The following MTCH2 variants were observed in gnomAD, a reference collection of about 807,000 sequenced individuals.
The protein encoded by MTCH2 is mitochondrial carrier 2.
In MTCH2, 25 loss-of-function variants were observed where a neutral mutation model predicts 50.6. That is an observed-to-expected ratio of 0.49 (90% CI 0.36 to 0.69). MTCH2 has a LOEUF of 0.69. MTCH2 is among the 30% of genes least tolerant of loss of function. The pLI, the probability that MTCH2 is intolerant of heterozygous loss-of-function variation, is 0.00. For missense variants in MTCH2, 273 were observed against 384.4 expected (o/e 0.71, Z 2.42); for synonymous variants, 106 against 132.0 (o/e 0.80, Z 1.35).
At chr11:47,606,251 T>C in the MTCH2 span, among the ~76,000 whole-genome samples, 1 of 152,198 alleles carries the variant, frequency 6.6e-6, no homozygotes, top group South Asian at 2.1e-4. Context: ...TGGAAGTGCT[T>C]TTCCTCGGGG....
downstream of MTCH2, among the ~76,000 whole-genome samples, chr11:47,614,536 T>G (rs973793271): frequency 8.5e-5 from 13 of 152,060 alleles, no homozygotes; most frequent in Non-Finnish European, 1.0e-4. Flanking sequence ...GCACCATTTT[T>G]GCCCACTGCA....
chr11:47,614,861 A>G (rs1269878190), downstream of MTCH2, among the ~76,000 whole-genome samples: 1 of 152,066 alleles, frequency 6.6e-6, no homozygotes, highest in African/African-American at 2.4e-5. Flanking sequence ...TACAGGCGTG[A>G]GCCACCGCAC....
intron 1 of MTCH2, 89 bp from the exon 2 acceptor site, chr11:47,639,140 G>GTTATTT (rs1259714540): frequency 8.4e-7 from 1 of 1,189,116 alleles, no homozygotes; most frequent in Admixed American, 2.4e-5. Context: ...CACAATTTGG[G>GTTATTT]TTATTTTTAA....
At chr11:47,606,066 G>A in the MTCH2 span, among the ~76,000 whole-genome samples, 5 of 152,034 alleles carry the variant, frequency 3.3e-5, no homozygotes, top group South Asian at 2.1e-4. Flanking sequence ...CCTTTTCGCC[G>A]CAGCTTTCAT....
chr11:47,613,119 G>T (rs562078698), downstream of MTCH2, among the ~76,000 whole-genome samples: 1 of 151,824 alleles, frequency 6.6e-6, no homozygotes, highest in East Asian at 1.9e-4. Flanking sequence ...TGTTGTCTAG[G>T]CTGGTCTCAA....
intron 12 of MTCH2, among the ~76,000 whole-genome samples, chr11:47,620,774 T>C (rs981082102): frequency 5.3e-5 from 8 of 152,224 alleles, no homozygotes; most frequent in African/African-American, 1.9e-4. Context: ...CATTATGTAA[T>C]TGGCACTAAA....
At chr11:47,635,860 G>C (rs2097308084) in intron 3 of MTCH2, among the ~76,000 whole-genome samples, 1 of 152,136 alleles carries the variant, frequency 6.6e-6, no homozygotes, top group African/African-American at 2.4e-5. Context: ...AGGTGTGGTT[G>C]CTCATGCCTG....
At chr11:47,627,980 T>C (rs146269399) in intron 9 of MTCH2, among the ~76,000 whole-genome samples, 1 of 152,240 alleles carries the variant, frequency 6.6e-6, no homozygotes, top group East Asian at 1.9e-4. Context: ...ATCCTAGAAA[T>C]ACAGTCCCTG....
chr11:47,615,301 CCA>C (rs1325141087), downstream of MTCH2, among the ~76,000 whole-genome samples: 3 of 152,082 alleles, frequency 2.0e-5, no homozygotes, highest in Admixed American at 6.6e-5. Flanking sequence ...TATTTTTCCC[CCA>C]CAGATTTTCA....
rs553990170 is a variant in MTCH2 at position 47,618,358 on chromosome 11, A to G, written c.*475T>C. 1.0e-4 allele frequency: 21 copies of G among 210,166 alleles called. 1 individual carries two copies. The highest frequency in any genetic ancestry group is 7.6e-4 in the South Asian group (10 of 13,208). 13.0% of individuals were successfully genotyped at this position (210,166 alleles called of 1,614,324 possible). ...GTCAATGAAATGTGCTTAGAAGCATAATGGGAGTCAGATTCTGGTGCATGC... is the reference window on the plus strand; with the variant it reads ...GTCAATGAAATGTGCTTAGAAGCATGATGGGAGTCAGATTCTGGTGCATGC... On this transcript the variant is annotated 3_prime_UTR_variant, in exon 13 of 13. Transcript: ENST00000302503.
Position 47,625,656 on chromosome 11 carries a change from G to T in MTCH2, c.749+18C>A. On this transcript the variant is annotated intron_variant, in intron 11 of 12. Transcript: ENST00000302503. ...TACAGTCAACCACCTACTAGAATAA[G>T]AAATACAAAGTGCTTACCCACAGTT... The T allele has an allele frequency of 6.3e-7, 1 of 1,592,314 alleles. No individual in the cohort carries two copies. Among genetic ancestry groups the T allele is most frequent in the Non-Finnish European group, 8.6e-7 (1 of 1,160,596 alleles).
At chr11:47,632,996 G>A (rs1329603613) in intron 5 of MTCH2, among the ~76,000 whole-genome samples, 5 of 151,908 alleles carry the variant, frequency 3.3e-5, no homozygotes, top group South Asian at 2.1e-4. Flanking sequence ...CACCACACCC[G>A]GCCTAGTCAC....
intron 1 of MTCH2, among the ~76,000 whole-genome samples, chr11:47,641,085 C>T (rs1396704779): frequency 6.6e-6 from 1 of 152,142 alleles, no homozygotes; most frequent in African/African-American, 2.4e-5. Flanking sequence ...TTAGTAGAGA[C>T]GGGGTTTCAC....
intron 12 of MTCH2, among the ~76,000 whole-genome samples, chr11:47,621,073 TA>T (rs2097292793): frequency 6.6e-6 from 1 of 152,218 alleles, no homozygotes; most frequent in African/African-American, 2.4e-5. Flanking sequence ...TTTTTCCATT[TA>T]AACAGGGACC....
the MTCH2 span, among the ~76,000 whole-genome samples, chr11:47,611,226 C>T: frequency 6.6e-6 from 1 of 152,244 alleles, no homozygotes; most frequent in Non-Finnish European, 1.5e-5. Context: ...TAATGACTGA[C>T]AGTTGCATTT....
In MTCH2 at chr11:47,618,818, C is replaced by T. The variant is rs370903200; in HGVS notation, c.*15G>A. ...TCTGGGACTACAGAAATGTCACTGT[C>T]CCTGCCCCACATCTTCAAATTAACA... is the stretch of plus-strand genomic sequence containing the variant. On this transcript the variant is annotated 3_prime_UTR_variant, in exon 13 of 13. Transcript: ENST00000302503. 1.9e-5 allele frequency: 30 copies of T among 1,608,614 alleles called. No individual in the cohort carries two copies. Among genetic ancestry groups the T allele is most frequent in the East Asian group, 8.9e-5 (4 of 44,872 alleles).
chr11:47,637,479 G>C (rs2097309792), intron 3 of MTCH2, among the ~76,000 whole-genome samples: 1 of 151,996 alleles, frequency 6.6e-6, no homozygotes, highest in Non-Finnish European at 1.5e-5. Context: ...GTATCTGATG[G>C]TTTCTAAAAC....
intron 3 of MTCH2, among the ~76,000 whole-genome samples, chr11:47,636,226 GA>G (rs1393099755): frequency 6.6e-6 from 1 of 152,152 alleles, no homozygotes; most frequent in Non-Finnish European, 1.5e-5. Context: ...CTGAGGTTAG[GA>G]ATTTGAGACC....
the MTCH2 span, among the ~76,000 whole-genome samples, chr11:47,610,489 G>A: frequency 2.0e-5 from 3 of 152,242 alleles, no homozygotes; most frequent in Admixed American, 2.0e-4. Flanking sequence ...TGGATCACCT[G>A]AGGTCAGGAG....
Sources: allele counts gnomAD v4.1 joint callset (sites outside exome capture counted in the v4.1 genomes callset), GRCh38; gene constraint gnomAD v4.1.1; transcripts MANE v1.5; gene names NCBI Gene and HGNC (gene_info 2026-07-23, HGNC 2026-07-21).